The following TNRC6A variants were observed in gnomAD, a reference collection of about 807,000 sequenced individuals.
TNRC6A encodes the protein trinucleotide repeat-containing gene 6A protein.
In TNRC6A, 44 loss-of-function variants were observed where a neutral mutation model predicts 221.2. That is an observed-to-expected ratio of 0.20 (90% CI 0.16 to 0.26). TNRC6A has a LOEUF of 0.26. Among genes scored for constraint, TNRC6A ranks in the 10% least tolerant of loss-of-function variants. The pLI, the probability that TNRC6A is intolerant of heterozygous loss-of-function variation, is 1.00. For missense variants in TNRC6A, 2,199 were observed against 2,404.4 expected (o/e 0.91, Z 1.79); for synonymous variants, 847 against 838.5 (o/e 1.01, Z -0.18).
chr16:24,653,080 C>T (rs1178162211), intron 2 of TNRC6A, among the ~76,000 whole-genome samples: 1 of 152,080 alleles, frequency 6.6e-6, no homozygotes, highest in Non-Finnish European at 1.5e-5. Context: ...TTTTCTAAGA[C>T]AGGATTATGG....
chr16:24,645,515 A>G (rs28790052), intron 2 of TNRC6A, among the ~76,000 whole-genome samples: 3 of 151,610 alleles, frequency 2.0e-5, no homozygotes, highest in East Asian at 1.9e-4. Context: ...AACAAAAAAC[A>G]AAAACCTACT....
chr16:24,620,883 A>T (rs1900632989), intron 1 of TNRC6A, among the ~76,000 whole-genome samples: 1 of 152,008 alleles, frequency 6.6e-6, no homozygotes, highest in African/African-American at 2.4e-5. Context: ...CAAGAGATCG[A>T]GACCATCCTG....
intron 1 of TNRC6A, among the ~76,000 whole-genome samples, chr16:24,638,710 CAA>C (rs58588503): frequency 5.5e-5 from 8 of 145,992 alleles, no homozygotes; most frequent in African/African-American, 1.0e-4. Flanking sequence ...AAGGTTGTCT[CAA>C]AAAAAAAAAC....
intron 11 of TNRC6A, among the ~76,000 whole-genome samples, chr16:24,802,819 G>A (rs529340687): frequency 6.6e-6 from 1 of 152,314 alleles, no homozygotes; most frequent in East Asian, 1.9e-4. Flanking sequence ...CATGGGTAGA[G>A]GAAGAGAAAC....
intron 2 of TNRC6A, among the ~76,000 whole-genome samples, chr16:24,708,657 T>G (rs1412581349): frequency 1.3e-5 from 2 of 151,908 alleles, no homozygotes; most frequent in African/African-American, 4.8e-5. Context: ...CCTTCCAACC[T>G]CCCCCTTCGA....
intron 1 of TNRC6A, among the ~76,000 whole-genome samples, chr16:24,622,689 C>T (rs969632203): frequency 6.6e-6 from 1 of 152,086 alleles, no homozygotes; most frequent in African/African-American, 2.4e-5. Flanking sequence ...AAAACCAGCC[C>T]CAAATTTAGG....
At chr16:24,703,163 T>TA (rs1461577163) in intron 2 of TNRC6A, among the ~76,000 whole-genome samples, 1 of 152,030 alleles carries the variant, frequency 6.6e-6, no homozygotes, top group Non-Finnish European at 1.5e-5. Context: ...ATTCACCACC[T>TA]AAAAAACCCA....
intron 2 of TNRC6A, among the ~76,000 whole-genome samples, chr16:24,670,370 T>G (rs962742231): frequency 6.6e-6 from 1 of 152,076 alleles, no homozygotes; most frequent in African/African-American, 2.4e-5. Flanking sequence ...TCAGTCTCAC[T>G]CCCAGGTTGG....
chr16:24,806,451 T>G, intron 16 of TNRC6A, 123 bp from the exon 17 acceptor site: 1 of 1,367,890 alleles, frequency 7.3e-7, no homozygotes. Flanking sequence ...ATGTGAACAT[T>G]ATACAGTGAT....
intron 2 of TNRC6A, among the ~76,000 whole-genome samples, chr16:24,698,084 T>C (rs755787209): frequency 2.7e-5 from 4 of 150,556 alleles, no homozygotes; most frequent in Non-Finnish European, 4.4e-5. Context: ...TCCCAGCACT[T>C]TGAGGGGCCG....
Position 24,803,897 on chromosome 16 carries a change from TA to T in TNRC6A, c.3695-276del. 1.0e-5 allele frequency: 3 copies of T among 299,882 alleles called. No individual in the cohort carries two copies. In the South Asian group the frequency reaches 1.3e-4, roughly 13 times the overall value. 18.6% of individuals were successfully genotyped at this position (299,882 alleles called of 1,614,324 possible). A position where few individuals can be genotyped will look rare whatever the true frequency, so the allele number is the denominator to read the frequency against. On this transcript the variant is annotated intron_variant, in intron 11 of 24. Coordinates refer to ENST00000395799, the MANE Select transcript of TNRC6A (RefSeq NM_014494.4). ...GCCTGGGCCACAAAGCGAGACTGTCTAAAATAAAAAAGAAAAAAAAAGTGAG... is the reference window on the plus strand; with the variant it reads ...GCCTGGGCCACAAAGCGAGACTGTCTAAATAAAAAAGAAAAAAAAAGTGAG...
chr16:24,638,183 C>T (rs1335747550), intron 1 of TNRC6A, among the ~76,000 whole-genome samples: 1 of 152,128 alleles, frequency 6.6e-6, no homozygotes, highest in African/African-American at 2.4e-5. Flanking sequence ...TTTGGGAGGC[C>T]GAGGCAGGAG....
At position 24,789,302 on chromosome 16, in the gene TNRC6A, T is replaced by G. The variant is rs1307986931; in HGVS notation, c.660T>G (p.Asp220Glu). 3 of 1,614,052 alleles carry G rather than the reference T, an allele frequency of 1.9e-6. No individual in the cohort carries two copies. Among genetic ancestry groups the G allele is most frequent in the Non-Finnish European group, 2.5e-6 (3 of 1,180,018 alleles). ...GGGGACCTGTGTCTTCTACAAGTGA[T>G]TCTAGCACAAACTGTAAGAATGCTG... Reference protein sequence around the residue: ...SQRGPVSSTSDSSTNCKNAVV... With the variant: ...SQRGPVSSTSESSTNCKNAVV... The change falls in exon 6 of 25, where the codon GAT becomes GAG. Residue 220 changes from aspartate (D) to glutamate (E), a missense_variant. Transcript: ENST00000395799.
chr16:24,613,076 A>G (rs1479119154), intron 1 of TNRC6A, among the ~76,000 whole-genome samples: 1 of 139,226 alleles, frequency 7.2e-6, no homozygotes, highest in East Asian at 2.2e-4. Flanking sequence ...AGATCGCACC[A>G]TTGCGCTCTA....
At chr16:24,622,324 G>A (rs889828460) in intron 1 of TNRC6A, among the ~76,000 whole-genome samples, 7 of 152,174 alleles carry the variant, frequency 4.6e-5, no homozygotes, top group African/African-American at 1.7e-4. Context: ...AAGAAGGCCA[G>A]GTGCTGTGGC....
At chr16:24,713,921 C>T (rs531926287) in intron 2 of TNRC6A, among the ~76,000 whole-genome samples, 2 of 152,232 alleles carry the variant, frequency 1.3e-5, no homozygotes, top group South Asian at 4.1e-4. Flanking sequence ...GCTGGGATTA[C>T]AGGCGTGAGG....
chr16:24,671,974 AAC>A (rs2055311729), intron 2 of TNRC6A, among the ~76,000 whole-genome samples: 1 of 152,360 alleles, frequency 6.6e-6, no homozygotes, highest in East Asian at 1.9e-4. Flanking sequence ...GAAAAATTAA[AAC>A]AGTCATAAAA....
intron 2 of TNRC6A, among the ~76,000 whole-genome samples, chr16:24,667,926 G>T (rs1185364180): frequency 6.6e-6 from 1 of 152,192 alleles, no homozygotes; most frequent in Non-Finnish European, 1.5e-5. Flanking sequence ...TCAGAAGGCT[G>T]AGGCAGCAGA....
intron 2 of TNRC6A, among the ~76,000 whole-genome samples, chr16:24,702,236 G>GGCA (rs758192309): frequency 7.1e-6 from 1 of 141,168 alleles, no homozygotes; most frequent in Non-Finnish European, 1.5e-5. Flanking sequence ...GGAGTGCAAT[G>GGCA]GCACAATCTT....
Sources: gnomAD v4.1 joint callset for allele counts (sites outside exome capture counted in the v4.1 genomes callset) on GRCh38, gnomAD v4.1.1 for gene constraint, MANE v1.5 for transcripts, NCBI Gene and HGNC (gene_info 2026-07-23, HGNC 2026-07-21) for gene names.